Variants in EXOC3L2 observed in about 807,000 individuals in gnomAD.
The protein encoded by EXOC3L2 is exocyst complex component 3 like 2, also known as exocyst complex component 3-like protein 2.
EXOC3L2 carries 17 observed loss-of-function variants against 44.4 expected under a neutral mutation model. The observed-to-expected ratio is 0.38, with a 90% CI of 0.26 to 0.57. The LOEUF (loss-of-function observed/expected upper bound fraction) is 0.57. Ranked by LOEUF, EXOC3L2 falls within the 20% of genes least tolerant of loss-of-function variation. The pLI is 0.65. For synonymous variants in EXOC3L2, 256 were observed against 253.7 expected, an observed-to-expected ratio of 1.01 and a Z score of -0.09; for missense variants, 541 against 588.4, an observed-to-expected ratio of 0.92 and a Z score of 0.83.
rs749060610 is a variant in EXOC3L2, at chr19:45,213,145, C to T, written c.2333G>A (p.Arg778Gln). 26 of 1,584,954 alleles carry T rather than the reference C, an allele frequency of 1.6e-5. No homozygotes were observed. The South Asian group carries it at 1.9e-4, about 12-fold the overall frequency. The change falls in exon 12 of 12, where the codon CGG (arginine) becomes CAG (glutamine). Residue 778 changes from arginine to glutamine, a missense_variant. Physicochemically the swap from Arg to Gln is conservative, Grantham distance 43. Coordinates refer to ENST00000413988, the MANE Select transcript of EXOC3L2 (RefSeq NM_001382422.1). ...PLFLGRLPLS[R>Q]LARPSLACLP... ...ACAGGCCAAACTGGGCCTGGCCAGC[C>T]GGGAGAGGGGGAGGCGGCCCAGGAA...
At chr19:45,243,128 G>A (rs1228958742) in intron 1 of EXOC3L2, among the ~76,000 whole-genome samples, 5 of 151,992 alleles carry the variant, frequency 3.3e-5, no homozygotes, top group African/African-American at 4.8e-5. Context: ...TTTTGCTCAC[G>A]TTATGAACTT....
At chr19:45,233,458 A>C (rs1745225728) in intron 3 of EXOC3L2, among the ~76,000 whole-genome samples, 1 of 152,214 alleles carries the variant, frequency 6.6e-6, no homozygotes, top group Non-Finnish European at 1.5e-5. Context: ...CATTGTATTA[A>C]GGTGAAGGGT....
At chr19:45,242,367 C>T (rs1000875981) in intron 1 of EXOC3L2, among the ~76,000 whole-genome samples, 2 of 152,050 alleles carry the variant, frequency 1.3e-5, no homozygotes, top group African/African-American at 4.8e-5. Flanking sequence ...TGGGCTCAAG[C>T]GATCCTCCCA....
intron 8 of EXOC3L2, 60 bp from the exon 9 acceptor site, chr19:45,218,379 GGAA>G: frequency 7.0e-7 from 1 of 1,434,038 alleles, no homozygotes; most frequent in Non-Finnish European, 9.3e-7. Flanking sequence ...TCTTCACTTA[GGAA>G]TAAGTTCCTG....
intron 2 of EXOC3L2, among the ~76,000 whole-genome samples, chr19:45,235,573 T>C (rs1970076039): frequency 6.6e-6 from 1 of 151,376 alleles, no homozygotes; most frequent in Admixed American, 6.6e-5. Context: ...CTCTGATGAG[T>C]TCAGACTGCC....
intron 11 of EXOC3L2, 110 bp downstream of exon 11, chr19:45,215,963 C>A (rs955067051): frequency 6.8e-7 from 1 of 1,476,276 alleles, no homozygotes; most frequent in Admixed American, 2.1e-5. Flanking sequence ...CCGTCAGACA[C>A]GCTCACCGGC....
At position 45,217,486 on chromosome 19, in the gene EXOC3L2, T is replaced by C. The variant is rs1179283126; in HGVS notation, c.1998+42A>G. The C allele has an allele frequency of 2.0e-6, 3 of 1,532,728 alleles. No individual in the cohort carries two copies. In the African/African-American group the frequency reaches 4.3e-5, roughly 22 times the overall value. 94.9% of individuals were successfully genotyped at this position (1,532,728 alleles called of 1,614,324 possible). The stretch of plus-strand genomic sequence containing the variant: ...TGAGATTCTCGGAAGCCAAGCCTTG[T>C]CCTGGTTTCTGAAACACCCCCAACC... On this transcript the variant is annotated intron_variant, in intron 10 of 11. Transcript: ENST00000413988.
rs922386323 is a variant in EXOC3L2 at position 45,212,597 on chromosome 19, CCT to C, written c.*470_*471del. 1 of 127,568 alleles carries C rather than the reference CCT, an allele frequency of 7.8e-6. No individual in the cohort carries two copies. The highest frequency in any genetic ancestry group is 3.3e-5 in the African/African-American group (1 of 30,546). The allele number at this position is 127,568 out of a possible 1,614,324, so 7.9% of individuals were successfully genotyped here. On this transcript the variant is annotated 3_prime_UTR_variant, in exon 12 of 12. Coordinates refer to ENST00000413988, the MANE Select transcript of EXOC3L2 (RefSeq NM_001382422.1). ...TCTCTTTGGCCTCTGTTTCCCCCTA[CCT>C]TTTTTTTTTTTTTTTTTTTTTGAGA...
intron 7 of EXOC3L2, among the ~76,000 whole-genome samples, chr19:45,225,565 G>A (rs2122970389): frequency 6.6e-6 from 1 of 151,744 alleles, no homozygotes; most frequent in East Asian, 1.9e-4. Context: ...GCCGCACCCG[G>A]CCAAGTCTGG....
intron 9 of EXOC3L2, 47 bp from the exon 10 acceptor site, chr19:45,217,730 G>T: frequency 1.4e-6 from 2 of 1,382,852 alleles, no homozygotes; most frequent in South Asian, 1.6e-5. Context: ...CATGCCCCAC[G>T]GACTCCCATC....
intron 1 of EXOC3L2, 74 bp from the exon 2 acceptor site, chr19:45,239,135 G>A (rs1970109443): frequency 2.5e-6 from 1 of 397,952 alleles, no homozygotes; most frequent in East Asian, 3.6e-5. Context: ...TCTGTGTACC[G>A]AGCACTTTGG....
chr19:45,212,974 G>T lies in EXOC3L2; in HGVS notation c.*95C>A. On this transcript the variant is annotated 3_prime_UTR_variant, in exon 12 of 12. Transcript: ENST00000413988. ...AAGGGTCTTTCTATCCCAGGGGTGT[G>T]TGGTCCCAGGCAGGGAGTCAGGAGG... is the stretch of plus-strand genomic sequence containing the variant. The T allele has an allele frequency of 7.6e-7, 1 of 1,316,790 alleles. No homozygotes were observed. Among genetic ancestry groups the T allele is most frequent in the Non-Finnish European group, 9.9e-7 (1 of 1,008,488 alleles). The allele number at this position is 1,316,790 out of a possible 1,614,324, so 81.6% of individuals were successfully genotyped here.
At chr19:45,226,134 T>A (rs1046124108) in intron 7 of EXOC3L2, among the ~76,000 whole-genome samples, 1 of 152,150 alleles carries the variant, frequency 6.6e-6, no homozygotes, top group African/African-American at 2.4e-5. Context: ...TTCCATTTTT[T>A]CCAGGGAGGA....
At chr19:45,236,465 CAAAAAAAAAAAA>C (rs34024056) in intron 2 of EXOC3L2, among the ~76,000 whole-genome samples, 3 of 45,000 alleles carry the variant, frequency 6.7e-5, no homozygotes, top group South Asian at 1.2e-3. Context: ...GACTCCATCT[CAAAAAAAAAAAA>C]AAAAAAAAAA....
chr19:45,212,931 T>G lies in EXOC3L2; in HGVS notation c.*138A>C. 1.0e-6 allele frequency: 1 copy of G among 989,184 alleles called. No homozygotes were observed. The allele number at this position is 989,184 out of a possible 1,614,324, so 61.3% of individuals were successfully genotyped here. ...TCCCTTCTGTACAGGGAGTTTGGGG[T>G]TGGGTGAAAAGACATCTAAGGGTCT... On this transcript the variant is annotated 3_prime_UTR_variant, in exon 12 of 12. Transcript: ENST00000413988.
At chr19:45,239,099 A>T (rs1471625408) in intron 1 of EXOC3L2, 38 bp from the exon 2 acceptor site, 6 of 397,362 alleles carry the variant, frequency 1.5e-5, no homozygotes, top group Non-Finnish European at 2.2e-5. Context: ...GATGCTGATG[A>T]CAATGGTGGT....
Position 45,238,941 on chromosome 19 carries a change from CA to C in EXOC3L2, c.104del (p.Leu35ArgfsTer98). 1 of 399,240 alleles carries C rather than the reference CA, an allele frequency of 2.5e-6. No individual in the cohort carries two copies. Among genetic ancestry groups the C allele is most frequent in the African/African-American group, 2.1e-5 (1 of 48,754 alleles). The allele number at this position is 399,240 out of a possible 1,614,324, so 24.7% of individuals were successfully genotyped here. Reference sequence around the variant, plus strand: ...CCAGCTCCCCGGCCTCTTCTTCCTCCAGCCCTGAAACTTCTTCAAAGGGGTT... The same window carrying C: ...CCAGCTCCCCGGCCTCTTCTTCCTCCGCCCTGAAACTTCTTCAAAGGGGTT... ...SRNPFEEVSG[L>X]EEEEAGELGS... On this transcript the variant is annotated frameshift_variant, in exon 2 of 12. Coordinates refer to ENST00000413988, the MANE Select transcript of EXOC3L2 (RefSeq NM_001382422.1). LOFTEE classifies it high-confidence loss of function. The surrounding 1 kb of genome is among the most constrained non-coding windows in gnomAD (Gnocchi z 5.5).
intron 8 of EXOC3L2, among the ~76,000 whole-genome samples, chr19:45,224,157 GGA>G (rs1347646266): frequency 6.6e-6 from 1 of 151,230 alleles, no homozygotes; most frequent in Non-Finnish European, 1.5e-5. Context: ...GGGATTAGTG[GGA>G]GAGCCAGGAG....
intron 8 of EXOC3L2, among the ~76,000 whole-genome samples, chr19:45,221,487 T>C (rs1334850231): frequency 3.3e-5 from 5 of 151,992 alleles, no homozygotes; most frequent in Admixed American, 3.3e-4. Flanking sequence ...TAGCTGGGGC[T>C]ACAGGCACGT....
Sources: gnomAD v4.1 joint callset for allele counts (sites outside exome capture counted in the v4.1 genomes callset) on GRCh38, gnomAD v4.1.1 for gene constraint, Gnocchi (gnomAD v3.1) non-coding constraint, MANE v1.5 for transcripts, NCBI Gene and HGNC (gene_info 2026-07-23, HGNC 2026-07-21) for gene names.